RAD51: variants seen among roughly 807,000 people sequenced by gnomAD.
The protein encoded by RAD51 is DNA repair protein RAD51 homolog 1.
Under a neutral mutation model 41.5 loss-of-function variants are expected in RAD51, and 14 were observed. That is an observed-to-expected ratio of 0.34 (90% CI 0.22 to 0.53). RAD51 has a LOEUF of 0.53. Among genes scored for constraint, RAD51 ranks in the 20% least tolerant of loss-of-function variants. RAD51 has a pLI of 0.95. For synonymous variants in RAD51, 136 were observed against 148.6 expected (o/e 0.92, Z 0.62); for missense variants, 234 against 422.0 (o/e 0.55, Z 3.90).
chr15:40,718,525 AAAAAAG>A (rs1896101405), intron 5 of RAD51, among the ~76,000 whole-genome samples: 1 of 152,126 alleles, frequency 6.6e-6, no homozygotes, highest in South Asian at 2.1e-4. Context: ...AGAAAAAAAA[AAAAAAG>A]AAGAAAAGAA....
At chr15:40,713,275 GTC>G (rs575178309) in intron 5 of RAD51, among the ~76,000 whole-genome samples, 163 of 141,132 alleles carry the variant, frequency 1.2e-3, no homozygotes, top group African/African-American at 3.8e-3. Context: ...TTGAGACGGA[GTC>G]TCTGTCGCCT....
chr15:40,698,009 G>C (rs2141811204), intron 1 of RAD51, among the ~76,000 whole-genome samples: 1 of 152,148 alleles, frequency 6.6e-6, no homozygotes, highest in Non-Finnish European at 1.5e-5. Context: ...CATTACATTA[G>C]TGTTTACTGT....
At chr15:40,715,601 A>G (rs1426573444) in intron 5 of RAD51, among the ~76,000 whole-genome samples, 1 of 152,230 alleles carries the variant, frequency 6.6e-6, no homozygotes, top group Non-Finnish European at 1.5e-5. Flanking sequence ...CAGTAACAGA[A>G]GATGGCTATG....
At chr15:40,729,372 C>CAAAAAAAAAAAAAAAAAAAAA (rs60375696) in intron 7 of RAD51, 133 bp from the exon 8 acceptor site, 1 of 401,510 alleles carries the variant, frequency 2.5e-6, no homozygotes. Flanking sequence ...GACTCCATCT[C>CAAAAAAAAAAAAAAAAAAAAA]AAAAAAAAAA....
In RAD51 at chr15:40,701,077, A is replaced by C. The variant is rs751379027; in HGVS notation, c.101A>C (p.Asn34Thr). The change falls in exon 3 of 10, where the codon AAT (asparagine) becomes ACT (threonine). Residue 34 changes from asparagine to threonine, a missense_variant. By Grantham distance (65) the Asn-to-Thr change is moderately conservative. Transcript: ENST00000267868. The part of the protein sequence containing the change: ...PISRLEQCGI[N>T]ANDVKKLEEA... ...CTTCATTTGCAGCAGTGTGGCATAA[A>C]TGCCAACGATGTGAAGAAATTGGAA... 8 of 1,614,146 alleles carry C rather than the reference A, an allele frequency of 5.0e-6. No individual in the cohort carries two copies. In the East Asian group the frequency reaches 1.6e-4, roughly 31 times the overall value.
rs139387556 is a variant in RAD51 at position 40,700,931 on chromosome 15, C to G, written c.88-133C>G. 8.2e-5 allele frequency: 64 copies of G among 785,186 alleles called. No homozygotes were observed. In the African/African-American group the frequency reaches 9.0e-4, roughly 11 times the overall value. The allele number at this position is 785,186 out of a possible 1,614,324, so 48.6% of individuals were successfully genotyped here. On this transcript the variant is annotated intron_variant, in intron 2 of 9. Coordinates refer to ENST00000267868, the MANE Select transcript of RAD51 (RefSeq NM_002875.5). The stretch of plus-strand genomic sequence containing the variant: ...GAACCAACTTCCCATCTCCCCCCGC[C>G]CCCCCAAGGATTTCAAGGGACAGTT...
intron 6 of RAD51, among the ~76,000 whole-genome samples, chr15:40,722,382 T>C (rs1896322101): frequency 1.4e-5 from 2 of 145,954 alleles, no homozygotes; most frequent in South Asian, 4.3e-4. Context: ...CATTGCACTA[T>C]AGCCTGGGCA....
chr15:40,721,732 C>CT (rs1896281869), intron 6 of RAD51, among the ~76,000 whole-genome samples: 2 of 152,116 alleles, frequency 1.3e-5, no homozygotes, highest in African/African-American at 4.8e-5. Flanking sequence ...ACTTTAGACC[C>CT]TTACTATATA....
At chr15:40,729,425 G>C in intron 7 of RAD51, 80 bp from the exon 8 acceptor site, 1 of 1,160,328 alleles carries the variant, frequency 8.6e-7, no homozygotes, top group South Asian at 1.2e-5. Flanking sequence ...CTATGAATAT[G>C]AGATTTTAGG....
intron 2 of RAD51, 133 bp from the exon 3 acceptor site, chr15:40,700,931 C>A (rs139387556): frequency 3.8e-6 from 3 of 785,184 alleles, no homozygotes; most frequent in African/African-American, 1.8e-5. Context: ...CTCCCCCCGC[C>A]CCCCCAAGGA....
At chr15:40,718,756 GTA>G in intron 5 of RAD51, 47 bp from the exon 6 acceptor site, 1 of 1,462,486 alleles carries the variant, frequency 6.8e-7, no homozygotes, top group Non-Finnish European at 9.6e-7. Context: ...TTGGTCAGCT[GTA>G]TCAGAAATAC....
At chr15:40,714,120 C>T (rs1164916548) in intron 5 of RAD51, among the ~76,000 whole-genome samples, 1 of 151,658 alleles carries the variant, frequency 6.6e-6, no homozygotes, top group South Asian at 2.1e-4. Context: ...AATGCCTCTG[C>T]ACCCAGATCC....
rs556737589 is a variant in RAD51 at position 40,715,478 on chromosome 15, G to A, written c.436-3327G>A. On this transcript the variant is annotated intron_variant, in intron 5 of 9. Transcript: ENST00000267868. ...AAATGTACAAATAATTTATACCAAA[G>A]CATAATTAAAATGGTAAAAGTTAGA... 1.3e-3 allele frequency among the ~76,000 whole-genome samples: 191 copies of A among 152,186 alleles called. 1 individual carries two copies. The highest frequency in any genetic ancestry group is 4.3e-3 in the African/African-American group (180 of 41,530).
At position 40,721,106 on chromosome 15, in the gene RAD51, C is replaced by T. The variant is rs45555533; in HGVS notation, c.530+2207C>T. Among the ~76,000 whole-genome samples the T allele has an allele frequency of 2.0e-4, 30 of 152,306 alleles. 1 individual carries two copies. The highest frequency in any genetic ancestry group is 7.0e-4 in the African/African-American group (29 of 41,564). ...GGTAAGGAAGGAGAATCACTTGAACCAGGGAGGCAGAAGTTGCAGTGACCT... is the reference window on the plus strand; with the variant it reads ...GGTAAGGAAGGAGAATCACTTGAACTAGGGAGGCAGAAGTTGCAGTGACCT... On this transcript the variant is annotated intron_variant, in intron 6 of 9. Transcript: ENST00000267868.
At chr15:40,707,509 G>T (rs896361095) in intron 4 of RAD51, among the ~76,000 whole-genome samples, 1 of 151,548 alleles carries the variant, frequency 6.6e-6, no homozygotes, top group Non-Finnish European at 1.5e-5. Flanking sequence ...GTTTCACCAC[G>T]TTGGCTAGGT....
chr15:40,696,185 T>TTTTG (rs368175750), intron 1 of RAD51, among the ~76,000 whole-genome samples: 3 of 151,978 alleles, frequency 2.0e-5, no homozygotes, highest in East Asian at 1.9e-4. Context: ...GCCCCTGTTT[T>TTTTG]TTTGTTTGTT....
intron 6 of RAD51, among the ~76,000 whole-genome samples, chr15:40,720,621 CTG>C (rs1183772874): frequency 6.6e-6 from 1 of 151,978 alleles, no homozygotes; most frequent in African/African-American, 2.4e-5. Context: ...AACTAAATAA[CTG>C]TTCAGCAAAG....
upstream of RAD51, chr15:40,694,800 T>G (rs1595968357): frequency 6.6e-6 from 1 of 152,182 alleles, no homozygotes; most frequent in African/African-American, 2.4e-5. Flanking sequence ...TTCGATCTGG[T>G]AAACAGAAGA....
intron 3 of RAD51, 110 bp downstream of exon 3, chr15:40,701,311 C>A: frequency 8.2e-7 from 1 of 1,214,408 alleles, no homozygotes; most frequent in Non-Finnish European, 1.2e-6. Context: ...TCTCATTATC[C>A]TTTCCAGGGG....
Sources: gnomAD v4.1 joint callset for allele counts (sites outside exome capture counted in the v4.1 genomes callset) on GRCh38, gnomAD v4.1.1 for gene constraint, MANE v1.5 for transcripts, NCBI Gene and HGNC (gene_info 2026-07-23, HGNC 2026-07-21) for gene names.